PPIH: variants seen among roughly 807,000 people sequenced by gnomAD.
PPIH encodes the protein peptidylprolyl isomerase H.
In PPIH, 16 loss-of-function variants were observed where a neutral mutation model predicts 27.6. The observed-to-expected ratio is 0.58, with a 90% CI of 0.39 to 0.88. PPIH has a LOEUF of 0.88. Ranked by LOEUF, PPIH falls within the 40% of genes least tolerant of loss-of-function variation. The probability of loss-of-function intolerance (pLI) is 0.00; values close to 1 mark genes in which losing one functional copy is unlikely to be tolerated. For synonymous variants in PPIH, 63 were observed against 76.1 expected (o/e 0.83, Z 0.90); for missense variants, 155 against 224.1 (o/e 0.69, Z 1.97).
At chr1:42,679,409 C>T (rs1570409185), downstream of PPIH, among the ~76,000 whole-genome samples, 1 of 152,126 alleles carries the variant, frequency 6.6e-6, no homozygotes, top group South Asian at 2.1e-4. Flanking sequence ...GGGCTGGTCT[C>T]GAACTCCTGA....
At chr1:42,661,665 G>A (rs1045258063) in intron 5 of PPIH, among the ~76,000 whole-genome samples, 1 of 151,950 alleles carries the variant, frequency 6.6e-6, no homozygotes, top group Non-Finnish European at 1.5e-5. Flanking sequence ...CTTGGATCTG[G>A]GAGACATGTG....
chr1:42,666,176 T>C (rs868720251), intron 7 of PPIH, 109 bp downstream of exon 7: 1 of 1,039,404 alleles, frequency 9.6e-7, no homozygotes, highest in African/African-American at 1.6e-5. Flanking sequence ...GTGTAACTGC[T>C]TAGGTGGTAA....
chr1:42,661,622 T>C (rs1048937644), intron 5 of PPIH, among the ~76,000 whole-genome samples: 4 of 152,320 alleles, frequency 2.6e-5, no homozygotes, highest in Admixed American at 6.5e-5. Flanking sequence ...TTTACTCTTA[T>C]TAATATCATT....
rs1448078944 is a variant in PPIH, at chr1:42,658,869, T to C, written c.92T>C (p.Leu31Pro). 1 of 1,614,216 alleles carries C rather than the reference T, an allele frequency of 6.2e-7. No homozygotes were observed. Among genetic ancestry groups the C allele is most frequent in the Non-Finnish European group, 8.5e-7 (1 of 1,180,032 alleles). Residue 31 changes from leucine to proline, a missense_variant, in exon 2 of 10, where the codon CTC becomes CCC. Around this residue, in one of 2 missense-constraint regions of PPIH, gnomAD observed 59 missense variants for 48.8 expected, o/e 1.21. Transcript: ENST00000304979. ...GAAGTTGGCCGCATGAAGATCGAGC[T>C]CTTTGCAGACGTTGTGCCTAAGACG... ...GQEVGRMKIE[L>P]FADVVPKTAE... is the part of the protein sequence containing the mutation.
In PPIH at chr1:42,658,450, G is replaced by A. The variant is rs1648772802; in HGVS notation, c.4G>A (p.Ala2Thr). 4 of 1,614,040 alleles carry A rather than the reference G, an allele frequency of 2.5e-6. No individual in the cohort carries two copies. The South Asian group carries it at 4.4e-5, about 18-fold the overall frequency. The change falls in exon 1 of 10, where the codon GCG becomes ACG. Residue 2 changes from alanine (A) to threonine (T), a missense_variant. By Grantham distance (58) the Ala-to-Thr change is moderately conservative. Transcript: ENST00000304979. Reference protein sequence around the residue: MAVANSSPVNPV... With the variant: MTVANSSPVNPV... ...CTTCTGCTTCCGGGTCGGAGCCATG[G>A]CGGTGGCAAATTCAAGTCCTGTTAA...
intron 5 of PPIH, among the ~76,000 whole-genome samples, chr1:42,662,240 A>G (rs1392083492): frequency 1.3e-5 from 2 of 152,166 alleles, no homozygotes; most frequent in Admixed American, 6.5e-5. Flanking sequence ...ATAGTTGCTC[A>G]GTCTGAAGGC....
chr1:42,658,560 G>A (rs772129469), intron 1 of PPIH, 48 bp downstream of exon 1: 2 of 1,576,488 alleles, frequency 1.3e-6, no homozygotes, highest in Non-Finnish European at 1.7e-6. Flanking sequence ...GAAACTGCTC[G>A]GGGCTAGGCA....
chr1:42,658,757 G>A, intron 1 of PPIH, 87 bp from the exon 2 acceptor site: 3 of 1,453,234 alleles, frequency 2.1e-6, no homozygotes, highest in Admixed American at 3.4e-5. Context: ...GAGCGGCAGG[G>A]TGGTGGGTCA....
intron 9 of PPIH, among the ~76,000 whole-genome samples, chr1:42,669,007 C>T (rs1022115929): frequency 1.3e-5 from 2 of 150,808 alleles, no homozygotes; most frequent in South Asian, 2.1e-4. Flanking sequence ...CTCAGGAGTT[C>T]GAGACCAGCC....
intron 9 of PPIH, among the ~76,000 whole-genome samples, chr1:42,671,016 G>A (rs1354325011): frequency 6.6e-6 from 1 of 152,090 alleles, no homozygotes; most frequent in Non-Finnish European, 1.5e-5. Flanking sequence ...TGCTGGTCTT[G>A]AACTCCTAAG....
intron 9 of PPIH, among the ~76,000 whole-genome samples, chr1:42,670,657 C>G (rs1419096564): frequency 6.6e-6 from 1 of 152,074 alleles, no homozygotes; most frequent in African/African-American, 2.4e-5. Flanking sequence ...TAGACCAGGA[C>G]TGTCCATAGG....
chr1:42,667,904 C>T (rs935073954), intron 9 of PPIH, among the ~76,000 whole-genome samples: 2 of 152,224 alleles, frequency 1.3e-5, no homozygotes, highest in Non-Finnish European at 2.9e-5. Context: ...ACTTCATATT[C>T]GCTGGCCTCA....
intron 9 of PPIH, among the ~76,000 whole-genome samples, chr1:42,672,214 C>T (rs574306816): frequency 8.5e-5 from 13 of 152,222 alleles, no homozygotes; most frequent in South Asian, 2.1e-4. Flanking sequence ...AACGTTCATA[C>T]GGATCTCCAG....
intron 8 of PPIH, 65 bp downstream of exon 8, chr1:42,666,652 C>A: frequency 6.6e-7 from 1 of 1,512,788 alleles, no homozygotes; most frequent in African/African-American, 1.4e-5. Context: ...GACTAGCGTG[C>A]AGGAGCTAGA....
chr1:42,679,400 G>A (rs1649969417), downstream of PPIH, among the ~76,000 whole-genome samples: 1 of 152,084 alleles, frequency 6.6e-6, no homozygotes. Context: ...ACGTTGGCCG[G>A]GCTGGTCTCG....
At chr1:42,677,876 TTC>T (rs780053623), downstream of PPIH, among the ~76,000 whole-genome samples, 13 of 152,324 alleles carry the variant, frequency 8.5e-5, no homozygotes, top group East Asian at 1.2e-3. Flanking sequence ...ATGAGGCACT[TTC>T]TGTTTGCTCT....
chr1:42,659,591 G>T, intron 4 of PPIH, 25 bp downstream of exon 4: 1 of 1,600,960 alleles, frequency 6.2e-7, no homozygotes, highest in Non-Finnish European at 8.5e-7. Flanking sequence ...AAGCCATCCT[G>T]GAGTCTTTCA....
Position 42,667,347 on chromosome 1 carries a change from C to G in PPIH, c.466-4C>G. The stretch of plus-strand genomic sequence containing the variant: ...ATGAATCTCCATTGTGCTTTTTTTC[C>G]TAGAATGTTCCCACAGGCCCCAACA... On this transcript the variant is annotated splice_polypyrimidine_tract_variant and splice_region_variant and intron_variant, in intron 8 of 9. Transcript: ENST00000304979. 6.2e-7 allele frequency: 1 copy of G among 1,600,190 alleles called. No homozygotes were observed. Among genetic ancestry groups the G allele is most frequent in the Non-Finnish European group, 8.6e-7 (1 of 1,167,600 alleles).
chr1:42,670,519 C>T (rs1649570412), intron 9 of PPIH, among the ~76,000 whole-genome samples: 1 of 152,002 alleles, frequency 6.6e-6, no homozygotes, highest in South Asian at 2.1e-4. Flanking sequence ...ATCATCAACC[C>T]TCCCCGCTCT....
Sources: gnomAD v4.1 joint callset for allele counts (sites outside exome capture counted in the v4.1 genomes callset) on GRCh38, gnomAD v4.1.1 for gene constraint, gnomAD v4.1.1 regional missense constraint, MANE v1.5 for transcripts, NCBI Gene and HGNC (gene_info 2026-07-23, HGNC 2026-07-21) for gene names.